Variants in UMAD1 observed in about 807,000 individuals in gnomAD.
The protein encoded by UMAD1 is UBAP1-MVB12-associated (UMA) domain containing 1.
A neutral mutation model predicts 6.1 loss-of-function variants in UMAD1; 8 were observed. That is an observed-to-expected ratio of 1.30 (90% CI 0.76 to 2.35). The LOEUF (loss-of-function observed/expected upper bound fraction) is 2.35, where lower values mean the gene tolerates loss of function less well. Ranked by LOEUF, UMAD1 falls within the 30% of genes most tolerant of loss-of-function variation. The probability of loss-of-function intolerance (pLI) is 0.00; values close to 1 mark genes in which losing one functional copy is unlikely to be tolerated. For synonymous variants in UMAD1, 56 were observed against 31.4 expected, an observed-to-expected ratio of 1.78 and a Z score of -2.61; for missense variants, 130 against 78.4, an observed-to-expected ratio of 1.66 and a Z score of -2.49.
chr7:7,668,891 C>T (rs28915069), intron 1 of UMAD1, among the ~76,000 whole-genome samples: 2,812 of 152,230 alleles, frequency 0.018, 83 homozygotes, highest in African/African-American at 0.064. Context: ...CAGGAAACCA[C>T]TCTATTGCAG....
At chr7:7,759,394 G>C (rs1781840674) in intron 2 of UMAD1, among the ~76,000 whole-genome samples, 1 of 152,186 alleles carries the variant, frequency 6.6e-6, no homozygotes, top group Non-Finnish European at 1.5e-5. Flanking sequence ...TCCGGCATCA[G>C]CCTGGACAGA....
rs113793656 is a variant in UMAD1 at position 7,769,832 on chromosome 7, G to A, written c.83-31838G>A. On this transcript the variant is annotated intron_variant, in intron 2 of 3. Coordinates refer to ENST00000682710, the MANE Select transcript of UMAD1 (RefSeq NM_001302348.2). ...TGGCCCTGGGGAAATTGAGCTAAAT[G>A]GATAAAAGTAGGCATTGAGAGCTGT... 3.4e-3 allele frequency among the ~76,000 whole-genome samples: 519 copies of A among 152,222 alleles called. 6 individuals are homozygous for A. The highest frequency in any genetic ancestry group is 0.012 in the African/African-American group (501 of 41,524).
At chr7:7,877,174 T>C (rs1784434190) in intron 3 of UMAD1, 107 bp from the exon 4 acceptor site, 2 of 617,998 alleles carry the variant, frequency 3.2e-6, no homozygotes, top group Non-Finnish European at 5.9e-6. Flanking sequence ...TGGGAATATT[T>C]ATATAGCCCA....
At chr7:7,641,336 C>G (rs767086237) in intron 1 of UMAD1, among the ~76,000 whole-genome samples, 1 of 152,150 alleles carries the variant, frequency 6.6e-6, no homozygotes, top group Non-Finnish European at 1.5e-5. Context: ...CTGGCCAGTA[C>G]TAGGGGAGAC....
At chr7:7,641,932 T>C (rs1461619201) in intron 1 of UMAD1, among the ~76,000 whole-genome samples, 3 of 152,242 alleles carry the variant, frequency 2.0e-5, no homozygotes, top group Non-Finnish European at 4.4e-5. Context: ...TTGTCTTAGT[T>C]TTACTCACTA....
chr7:7,662,828 G>A (rs1430101318), intron 1 of UMAD1, among the ~76,000 whole-genome samples: 1 of 152,122 alleles, frequency 6.6e-6, no homozygotes, highest in Non-Finnish European at 1.5e-5. Context: ...AAATGTTGTG[G>A]TGTTTAGATT....
In UMAD1 at chr7:7,753,603, G is replaced by A. The variant is rs148411111; in HGVS notation, c.83-48067G>A. Among the ~76,000 whole-genome samples, 37 of 152,266 alleles carry A rather than the reference G, an allele frequency of 2.4e-4. 1 individual carries two copies. In the East Asian group the frequency reaches 6.6e-3, roughly 27 times the overall value. On this transcript the variant is annotated intron_variant, in intron 2 of 3. Transcript: ENST00000682710. Reference sequence around the variant, plus strand: ...TCCATGTAGTCACAAATAACTGGGTGTCATTCTTTCTTGTGGCTGAATCAT... The same window carrying A: ...TCCATGTAGTCACAAATAACTGGGTATCATTCTTTCTTGTGGCTGAATCAT...
intron 2 of UMAD1, among the ~76,000 whole-genome samples, chr7:7,693,289 A>G (rs1353074447): frequency 7.0e-6 from 1 of 142,976 alleles, no homozygotes; most frequent in Non-Finnish European, 1.5e-5. Flanking sequence ...TACTCTTAAA[A>G]TATCTTTATC....
At chr7:7,785,167 A>G (rs1409146088) in intron 2 of UMAD1, among the ~76,000 whole-genome samples, 2 of 152,200 alleles carry the variant, frequency 1.3e-5, no homozygotes, top group African/African-American at 4.8e-5. Context: ...ATAAGAAGTG[A>G]ATCTGGGTAT....
chr7:7,738,650 C>G (rs561349954), intron 2 of UMAD1: 1 of 152,176 alleles, frequency 6.6e-6, no homozygotes, highest in Non-Finnish European at 1.5e-5. Flanking sequence ...CTGTGGCTAC[C>G]GAGTGACATC....
At chr7:7,703,404 TA>T (rs1259105423) in intron 2 of UMAD1, among the ~76,000 whole-genome samples, 3 of 152,228 alleles carry the variant, frequency 2.0e-5, no homozygotes, top group African/African-American at 4.8e-5. Context: ...AACTTTTTAG[TA>T]TGAAGTACCA....
chr7:7,718,394 T>TAG (rs1780971033), intron 2 of UMAD1: 1 of 152,208 alleles, frequency 6.6e-6, no homozygotes, highest in Non-Finnish European at 1.5e-5. Flanking sequence ...ATGGAACAAA[T>TAG]GAATAAGAAC....
At chr7:7,806,060 T>C (rs1364318448) in intron 3 of UMAD1, among the ~76,000 whole-genome samples, 1 of 152,212 alleles carries the variant, frequency 6.6e-6, no homozygotes, top group African/African-American at 2.4e-5. Flanking sequence ...AAGGCCTAAA[T>C]GTCATTTTGA....
At chr7:7,757,230 C>A (rs1440890448) in intron 2 of UMAD1, among the ~76,000 whole-genome samples, 1 of 152,176 alleles carries the variant, frequency 6.6e-6, no homozygotes, top group Admixed American at 6.5e-5. Context: ...TCAAGACTCC[C>A]TGATCCTTTA....
At chr7:7,804,142 C>G (rs1178690727) in intron 3 of UMAD1, among the ~76,000 whole-genome samples, 2 of 152,112 alleles carry the variant, frequency 1.3e-5, no homozygotes, top group Non-Finnish European at 2.9e-5. Context: ...GCCTTCTATG[C>G]AAGTACCGGC....
intron 1 of UMAD1, among the ~76,000 whole-genome samples, chr7:7,672,799 A>G (rs1219389590): frequency 6.6e-6 from 1 of 152,210 alleles, no homozygotes; most frequent in Non-Finnish European, 1.5e-5. Flanking sequence ...TAGCAGTGTG[A>G]GAATGGACTA....
chr7:7,752,574 G>A (rs1781699052), intron 2 of UMAD1, among the ~76,000 whole-genome samples: 1 of 152,032 alleles, frequency 6.6e-6, no homozygotes, highest in Non-Finnish European at 1.5e-5. Flanking sequence ...CCCGACATGA[G>A]TTGTGAACTG....
intron 2 of UMAD1, among the ~76,000 whole-genome samples, chr7:7,787,950 A>G (rs1168415515): frequency 5.3e-5 from 8 of 152,192 alleles, no homozygotes; most frequent in Non-Finnish European, 1.2e-4. Context: ...CCTAACCTAT[A>G]GCTTCATCAG....
At chr7:7,807,598 A>G (rs1782942941) in intron 3 of UMAD1, among the ~76,000 whole-genome samples, 1 of 152,106 alleles carries the variant, frequency 6.6e-6, no homozygotes, top group South Asian at 2.1e-4. Context: ...TCTAACATCT[A>G]GATGGAATAG....
Sources: allele counts gnomAD v4.1 joint callset (sites outside exome capture counted in the v4.1 genomes callset), GRCh38; gene constraint gnomAD v4.1.1; transcripts MANE v1.5; gene names NCBI Gene and HGNC (gene_info 2026-07-23, HGNC 2026-07-21).